ENTPD7: variants seen among roughly 807,000 people sequenced by gnomAD.
ENTPD7 encodes ectonucleoside triphosphate diphosphohydrolase 7.
In ENTPD7, 53 loss-of-function variants were observed where a neutral mutation model predicts 77.9. The ratio of observed to expected loss-of-function variants is 0.68; its 90% CI spans 0.55 to 0.85. The LOEUF (loss-of-function observed/expected upper bound fraction) is 0.85, where lower values mean the gene tolerates loss of function less well. Among genes scored for constraint, ENTPD7 ranks in the 40% least tolerant of loss-of-function variants. The pLI, the probability that ENTPD7 is intolerant of heterozygous loss-of-function variation, is 0.00. For missense variants in ENTPD7, 636 were observed against 743.7 expected, an observed-to-expected ratio of 0.86 and a Z score of 1.68; for synonymous variants, 248 against 274.9, an observed-to-expected ratio of 0.90 and a Z score of 0.97.
At chr10:99,668,091 T>G (rs1346524789) in intron 3 of ENTPD7, among the ~76,000 whole-genome samples, 1 of 151,892 alleles carries the variant, frequency 6.6e-6, no homozygotes, top group East Asian at 1.9e-4. Context: ...CGCACCACCA[T>G]GCCCGGCTAA....
intron 2 of ENTPD7, 40 bp downstream of exon 2, chr10:99,660,004 G>A (rs1476949289): frequency 6.2e-7 from 1 of 1,613,564 alleles, no homozygotes; most frequent in African/African-American, 1.3e-5. Context: ...GAGCACGGCA[G>A]AGGATGGCAG....
In ENTPD7 at chr10:99,661,397, A is replaced by C. The variant is rs370772681; in HGVS notation, c.9-49A>C. The stretch of plus-strand genomic sequence containing the variant: ...TCCAATTTTAAAACGATATTTAAGC[A>C]CTCAGTTGTAGAAATGTTTCAGACT... On this transcript the variant is annotated intron_variant, in intron 2 of 12. Transcript: ENST00000370489. The C allele has an allele frequency of 1.3e-4, 200 of 1,490,884 alleles. 1 individual carries two copies. The highest frequency in any genetic ancestry group is 1.5e-4 in the Non-Finnish European group (165 of 1,102,718). The allele number at this position is 1,490,884 out of a possible 1,614,324, so 92.4% of individuals were successfully genotyped here.
At chr10:99,667,342 G>A (rs2133442435) in intron 3 of ENTPD7, among the ~76,000 whole-genome samples, 1 of 152,344 alleles carries the variant, frequency 6.6e-6, no homozygotes, top group Non-Finnish European at 1.5e-5. Flanking sequence ...TAGCACTGGA[G>A]TACAAAGATG....
chr10:99,681,749 T>C (rs978549448), intron 5 of ENTPD7, among the ~76,000 whole-genome samples: 9 of 152,186 alleles, frequency 5.9e-5, no homozygotes, highest in African/African-American at 1.9e-4. Context: ...TGAGGTGATA[T>C]GTCATCGGGG....
In ENTPD7 at chr10:99,705,817, C is replaced by A. The variant is rs969770814; in HGVS notation, c.*1134C>A. The A allele has an allele frequency of 6.6e-6, 1 of 152,232 alleles. No individual in the cohort carries two copies. The highest frequency in any genetic ancestry group is 1.5e-5 in the Non-Finnish European group (1 of 68,052). The allele number at this position is 152,232 out of a possible 1,614,324, so 9.4% of individuals were successfully genotyped here. ...AACTTTCAGAACCTCTATTAAGAGA[C>A]TGCTGAGTCACAAACAGCACTTCCA... On this transcript the variant is annotated 3_prime_UTR_variant, in exon 13 of 13. Transcript: ENST00000370489.
chr10:99,660,528 AC>A, intron 2 of ENTPD7: 2 of 6,328 alleles, frequency 3.2e-4, no homozygotes, highest in South Asian at 1.6e-3. Context: ...ATGGATACGC[AC>A]ACACACACAC....
At chr10:99,694,288 A>C (rs940383148) in intron 8 of ENTPD7, among the ~76,000 whole-genome samples, 1 of 152,190 alleles carries the variant, frequency 6.6e-6, no homozygotes, top group Non-Finnish European at 1.5e-5. Context: ...AAATCATACA[A>C]TATGTGGTGT....
chr10:99,678,748 G>A (rs1170327780), intron 3 of ENTPD7, among the ~76,000 whole-genome samples: 1 of 139,992 alleles, frequency 7.1e-6, no homozygotes, highest in Non-Finnish European at 1.5e-5. Flanking sequence ...CTGCGCTCCA[G>A]TCTGGGTGAC....
intron 8 of ENTPD7, among the ~76,000 whole-genome samples, chr10:99,692,772 G>A (rs2035904427): frequency 6.6e-6 from 1 of 152,118 alleles, no homozygotes; most frequent in Non-Finnish European, 1.5e-5. Flanking sequence ...ATAGATAGTG[G>A]AAAACCACCA....
At chr10:99,693,345 G>A (rs1275601929) in intron 8 of ENTPD7, among the ~76,000 whole-genome samples, 2 of 152,218 alleles carry the variant, frequency 1.3e-5, no homozygotes, top group African/African-American at 4.8e-5. Context: ...CCACAGGACT[G>A]TTGGAAATGT....
Position 99,710,797 on chromosome 10 carries a change from G to C in ENTPD7, c.*6114G>C, listed in dbSNP as rs1417623713. The C allele has an allele frequency of 1.0e-6, 1 of 985,198 alleles. No homozygotes were observed. Among genetic ancestry groups the C allele is most frequent in the East Asian group, 1.1e-4 (1 of 8,832 alleles). 61.0% of individuals were successfully genotyped at this position (985,198 alleles called of 1,614,324 possible). ...CCAACATTGCTTTAGGGAGTTGCTAGTCATTACCCCTGCTACAATAGATAG... is the reference window on the plus strand; with the variant it reads ...CCAACATTGCTTTAGGGAGTTGCTACTCATTACCCCTGCTACAATAGATAG... On this transcript the variant is annotated 3_prime_UTR_variant, in exon 13 of 13. Transcript: ENST00000370489.
Position 99,679,328 on chromosome 10 carries a change from G to A in ENTPD7, c.259G>A (p.Val87Ile). 1 of 1,614,152 alleles carries A rather than the reference G, an allele frequency of 6.2e-7. No homozygotes were observed. The highest frequency in any genetic ancestry group is 8.5e-7 in the Non-Finnish European group (1 of 1,180,024). ...AGACCCAAATCTGAATTATGGACTTGTTGTTGACTGTGGCAGCAGTGGTTC... is the reference window on the plus strand; with the variant it reads ...AGACCCAAATCTGAATTATGGACTTATTGTTGACTGTGGCAGCAGTGGTTC... ...TEDPNLNYGL[V>I]VDCGSSGSRI... Residue 87 changes from valine (V) to isoleucine (I), a missense_variant, in exon 4 of 13, where the codon GTT becomes ATT. By Grantham distance (29) the Val-to-Ile change is conservative (BLOSUM62 3). Around this residue, in one of 3 missense-constraint regions of ENTPD7, gnomAD observed 486 missense variants for 556.5 expected, o/e 0.87. Coordinates refer to ENST00000370489, the MANE Select transcript of ENTPD7 (RefSeq NM_020354.5).
chr10:99,709,550 ATT>A lies in ENTPD7; in HGVS notation c.*4868_*4869del. ...AGGATTATTAGTCAATAATATTTTG[ATT>A]AATACTATAGAATAGCAACAGTGAA... is the stretch of plus-strand genomic sequence containing the variant. On this transcript the variant is annotated 3_prime_UTR_variant, in exon 13 of 13. Transcript: ENST00000370489. 1 of 983,500 alleles carries A rather than the reference ATT, an allele frequency of 1.0e-6. No homozygotes were observed. The highest frequency in any genetic ancestry group is 1.2e-6 in the Non-Finnish European group (1 of 828,134). The allele number at this position is 983,500 out of a possible 1,614,324, so 60.9% of individuals were successfully genotyped here.
rs527841129 is a variant in ENTPD7 at position 99,709,040 on chromosome 10, T to C, written c.*4357T>C. On this transcript the variant is annotated 3_prime_UTR_variant, in exon 13 of 13. Coordinates refer to ENST00000370489, the MANE Select transcript of ENTPD7 (RefSeq NM_020354.5). ...AATAGTGCCAAGTTTTCACTACATC[T>C]ATTCTTGTTCCTGTATTTCTTTTCG... 4 of 983,436 alleles carry C rather than the reference T, an allele frequency of 4.1e-6. No individual in the cohort carries two copies. The African/African-American group carries it at 5.2e-5, about 13-fold the overall frequency. 60.9% of individuals were successfully genotyped at this position (983,436 alleles called of 1,614,324 possible). A position where few individuals can be genotyped will look rare whatever the true frequency, so the allele number is the denominator to read the frequency against.
chr10:99,680,810 C>T (rs1013098175), intron 5 of ENTPD7, among the ~76,000 whole-genome samples: 1 of 152,106 alleles, frequency 6.6e-6, no homozygotes, highest in African/African-American at 2.4e-5. Flanking sequence ...CTCCTGGGCT[C>T]AAGTGATCCG....
chr10:99,694,438 C>T (rs1341598205), intron 8 of ENTPD7, among the ~76,000 whole-genome samples: 2 of 152,074 alleles, frequency 1.3e-5, no homozygotes, highest in African/African-American at 2.4e-5. Context: ...ATCCATTTAT[C>T]AGCTGATGAA....
In ENTPD7 at chr10:99,705,968, G is replaced by C. The variant is rs867700565; in HGVS notation, c.*1285G>C. On this transcript the variant is annotated 3_prime_UTR_variant, in exon 13 of 13. Transcript: ENST00000370489. ...ATTTCTCTTCATCAGGGTCCGCATG[G>C]AATCTTTCTTATATTTTACCCTTTC... The C allele has an allele frequency of 1.3e-5, 2 of 152,134 alleles. No individual in the cohort carries two copies. Among genetic ancestry groups the C allele is most frequent in the South Asian group, 2.1e-4 (1 of 4,820 alleles). The allele number at this position is 152,134 out of a possible 1,614,324, so 9.4% of individuals were successfully genotyped here.
At chr10:99,669,727 T>C (rs1413663795) in intron 3 of ENTPD7, among the ~76,000 whole-genome samples, 2 of 149,212 alleles carry the variant, frequency 1.3e-5, no homozygotes, top group East Asian at 2.0e-4. Context: ...ATAATACTTG[T>C]GTTAGATGTG....
intron 3 of ENTPD7, among the ~76,000 whole-genome samples, chr10:99,662,349 GTTACT>G (rs1302404906): frequency 6.6e-6 from 1 of 151,236 alleles, no homozygotes; most frequent in African/African-American, 2.4e-5. Flanking sequence ...TTTTTTAGTG[GTTACT>G]TTAAAGTTTA....
Sources: gnomAD v4.1 joint callset for allele counts (sites outside exome capture counted in the v4.1 genomes callset) on GRCh38, gnomAD v4.1.1 for gene constraint, gnomAD v4.1.1 regional missense constraint, MANE v1.5 for transcripts, NCBI Gene and HGNC (gene_info 2026-07-23, HGNC 2026-07-21) for gene names.